ZNF738: variants seen among roughly 807,000 people sequenced by gnomAD.
ZNF738 encodes protein ZNF738.
In ZNF738, 10 loss-of-function variants were observed where a neutral mutation model predicts 9.2. The ratio of observed to expected loss-of-function variants is 1.09; its 90% confidence interval spans 0.67 to 1.85. ZNF738 has a LOEUF of 1.85. Ranked by LOEUF, ZNF738 falls within the 40% of genes most tolerant of loss-of-function variation. The pLI is 0.00. For synonymous variants in ZNF738, 113 were observed against 94.5 expected, an observed-to-expected ratio of 1.20 and a Z score of -1.14; for missense variants, 346 against 283.6, an observed-to-expected ratio of 1.22 and a Z score of -1.58.
chr19:21,374,437 T>A (rs570468310), intron 2 of ZNF738, among the ~76,000 whole-genome samples: 1 of 152,370 alleles, frequency 6.6e-6, no homozygotes, highest in Non-Finnish European at 1.5e-5. Context: ...TGCTGTGTTC[T>A]TCGGTGTGCG....
At chr19:21,376,258 G>T in intron 4 of ZNF738, 1 of 245,008 alleles carries the variant, frequency 4.1e-6, no homozygotes, top group Non-Finnish European at 8.1e-6. Flanking sequence ...ATAAAAGACT[G>T]CACAATCTGA....
intron 2 of ZNF738, among the ~76,000 whole-genome samples, chr19:21,367,347 C>T (rs2145223638): frequency 6.6e-6 from 1 of 152,162 alleles, no homozygotes; most frequent in South Asian, 2.1e-4. Context: ...AGAAAGGGCT[C>T]AGGAGTCCCC....
At chr19:21,381,158 CA>C in intron 4 of ZNF738, 1 of 977,658 alleles carries the variant, frequency 1.0e-6, no homozygotes, top group East Asian at 2.4e-5. Context: ...ATGATTTCTG[CA>C]GTGAGCACCA....
At position 21,386,639 on chromosome 19, in the gene ZNF738, T is replaced by G; in HGVS notation, c.*2965T>G. On this transcript the variant is annotated 3_prime_UTR_variant, in exon 5 of 5. Transcript: ENST00000683779. Reference sequence around the variant, plus strand: ...ACCAGTCCTCAATTCTTACCAAACATAAGAAAATTCATATTGGAGATTAAC... The same window carrying G: ...ACCAGTCCTCAATTCTTACCAAACAGAAGAAAATTCATATTGGAGATTAAC... 1 of 230,078 alleles carries G rather than the reference T, an allele frequency of 4.3e-6. No homozygotes were observed. Among genetic ancestry groups the G allele is most frequent in the South Asian group, 6.9e-5 (1 of 14,504 alleles). The allele number at this position is 230,078 out of a possible 1,614,324, so 14.3% of individuals were successfully genotyped here. A position where few individuals can be genotyped will look rare whatever the true frequency, so the allele number is the denominator to read the frequency against.
intron 2 of ZNF738, among the ~76,000 whole-genome samples, chr19:21,363,153 G>T (rs977508253): frequency 1.3e-5 from 2 of 152,152 alleles, no homozygotes; most frequent in Non-Finnish European, 2.9e-5. Context: ...TTTTCTGATA[G>T]AAATACTTTT....
intron 2 of ZNF738, among the ~76,000 whole-genome samples, chr19:21,369,674 A>G (rs1973831022): frequency 1.3e-5 from 2 of 152,122 alleles, no homozygotes; most frequent in Non-Finnish European, 2.9e-5. Flanking sequence ...CAAAGATCAG[A>G]TGGTTGGAGG....
Position 21,386,365 on chromosome 19 carries a change from CA to C in ZNF738, c.*2693del. 3.2e-6 allele frequency: 1 copy of C among 310,648 alleles called. No homozygotes were observed. Among genetic ancestry groups the C allele is most frequent in the Non-Finnish European group, 6.6e-6 (1 of 151,386 alleles). The allele number at this position is 310,648 out of a possible 1,614,324, so 19.2% of individuals were successfully genotyped here. ...CCACCCATGTGGCAAAGCTTTTAAT[CA>C]ATCCTCAAACCTTACTAAACATAAG... On this transcript the variant is annotated 3_prime_UTR_variant, in exon 5 of 5. Coordinates refer to ENST00000683779, the MANE Select transcript of ZNF738 (RefSeq NM_001355237.2).
At chr19:21,381,392 G>C in intron 4 of ZNF738, 1 of 1,526,182 alleles carries the variant, frequency 6.6e-7, no homozygotes, top group Non-Finnish European at 9.1e-7. Flanking sequence ...TTCTTCATCA[G>C]AATCTCCTTT....
chr19:21,382,692 T>G (rs903893529), intron 4 of ZNF738, among the ~76,000 whole-genome samples, 174 bp from the exon 5 acceptor site: 4 of 152,222 alleles, frequency 2.6e-5, no homozygotes, highest in Admixed American at 6.5e-5. Flanking sequence ...TTCTCAGATG[T>G]ATTTTCGTTA....
rs79353120 is a variant in ZNF738, at chr19:21,365,356, G to A, written c.96+3498G>A. On this transcript the variant is annotated intron_variant, in intron 2 of 4. Coordinates refer to ENST00000683779, the MANE Select transcript of ZNF738 (RefSeq NM_001355237.2). ...AACCATCTGGGAATTCAGCCCAGTA[G>A]GTTTCAGCCCTATTTTACCCACCCC... is the stretch of plus-strand genomic sequence containing the variant. Among the ~76,000 whole-genome samples the A allele has an allele frequency of 7.9e-5, 12 of 152,094 alleles. No homozygotes were observed. In the East Asian group the frequency reaches 2.1e-3, roughly 27 times the overall value.
chr19:21,386,709 GTTATTA>G lies in ZNF738; in HGVS notation c.*3044_*3049del, dbSNP rs897570101. The G allele has an allele frequency of 2.4e-5, 4 of 169,510 alleles. No homozygotes were observed. In the South Asian group the frequency reaches 4.3e-4, roughly 18 times the overall value. The allele number at this position is 169,510 out of a possible 1,614,324, so 10.5% of individuals were successfully genotyped here. Reference sequence around the variant, plus strand: ...TGGCAAAAGCTTTAACTAGTTCTCAGTTATTATTATTATTTTTAGAGATGGAGTTTC... The same window carrying G: ...TGGCAAAAGCTTTAACTAGTTCTCAGTTATTATTTTTAGAGATGGAGTTTC... On this transcript the variant is annotated 3_prime_UTR_variant, in exon 5 of 5. Transcript: ENST00000683779.
intron 1 of ZNF738, among the ~76,000 whole-genome samples, chr19:21,359,877 C>CA (rs987216892): frequency 1.0e-4 from 15 of 148,634 alleles, no homozygotes; most frequent in South Asian, 2.1e-4. Context: ...ACTCTTGTCT[C>CA]AAAAAAAAAA....
chr19:21,382,963 T>C lies in ZNF738; in HGVS notation c.417T>C (p.His139=). ...VILREYGNYG[H]KDLQLRKGCK... ...TGAGAGAATATGGAAATTATGGACA[T>C]AAAGATTTACAGTTAAGAAAAGGCT... The change falls in exon 5 of 5, where the codon CAT becomes CAC. Residue 139 remains histidine, a synonymous_variant. Coordinates refer to ENST00000683779, the MANE Select transcript of ZNF738 (RefSeq NM_001355237.2). 1 of 647,576 alleles carries C rather than the reference T, an allele frequency of 1.5e-6. No individual in the cohort carries two copies. Among genetic ancestry groups the C allele is most frequent in the Non-Finnish European group, 2.9e-6 (1 of 347,614 alleles). 40.1% of individuals were successfully genotyped at this position (647,576 alleles called of 1,614,324 possible).
chr19:21,386,291 A>G lies in ZNF738; in HGVS notation c.*2617A>G. 2 of 284,638 alleles carry G rather than the reference A, an allele frequency of 7.0e-6. No homozygotes were observed. The highest frequency in any genetic ancestry group is 1.4e-5 in the Non-Finnish European group (2 of 139,204). The allele number at this position is 284,638 out of a possible 1,614,324, so 17.6% of individuals were successfully genotyped here. On this transcript the variant is annotated 3_prime_UTR_variant, in exon 5 of 5. Transcript: ENST00000683779. ...GAAAAATGTAGCAAACCTTTTAACT[A>G]ATCCTCAACCCTTACTACACATAAG...
In ZNF738 at chr19:21,383,301, G is replaced by T. The variant is rs1171665061; in HGVS notation, c.755G>T (p.Arg252Ile). The T allele has an allele frequency of 2.2e-5, 33 of 1,524,004 alleles. No individual in the cohort carries two copies. The highest frequency in any genetic ancestry group is 1.4e-5 in the African/African-American group (1 of 72,330). The allele number at this position is 1,524,004 out of a possible 1,614,324, so 94.4% of individuals were successfully genotyped here. The change falls in exon 5 of 5, where the codon AGA (arginine) becomes ATA (isoleucine). Residue 252 changes from arginine to isoleucine, a missense_variant. Arg to Ile is a moderately conservative substitution (Grantham distance 97, BLOSUM62 -3). Transcript: ENST00000683779. Reference protein sequence around the residue: ...KWFSTLTRHKRIHTGDKSYKH... With the variant: ...KWFSTLTRHKIIHTGDKSYKH... ...TTCTCAACCCTTACTAGACACAAGA[G>T]AATTCATACTGGAGACAAATCCTAC...
chr19:21,366,792 CA>C (rs1329606577), intron 2 of ZNF738, among the ~76,000 whole-genome samples: 4 of 152,270 alleles, frequency 2.6e-5, no homozygotes, highest in Non-Finnish European at 5.9e-5. Context: ...TGTAACCTCT[CA>C]TGGCACTGGT....
At chr19:21,371,611 A>G (rs1973857977) in intron 2 of ZNF738, among the ~76,000 whole-genome samples, 1 of 152,184 alleles carries the variant, frequency 6.6e-6, no homozygotes, top group Non-Finnish European at 1.5e-5. Flanking sequence ...CCATCCAGGA[A>G]ATTTTAGTCT....
intron 2 of ZNF738, among the ~76,000 whole-genome samples, chr19:21,365,074 T>C (rs1202537147): frequency 1.3e-5 from 2 of 152,078 alleles, no homozygotes; most frequent in African/African-American, 2.4e-5. Flanking sequence ...TTCTTGATTA[T>C]ATGCTAAACA....
At chr19:21,379,703 T>A (rs1465384294) in intron 4 of ZNF738, among the ~76,000 whole-genome samples, 1 of 150,672 alleles carries the variant, frequency 6.6e-6, no homozygotes, top group African/African-American at 2.4e-5. Context: ...TTTTTTAAAT[T>A]TTTTTTTTTA....
Sources: allele counts gnomAD v4.1 joint callset (sites outside exome capture counted in the v4.1 genomes callset), GRCh38; gene constraint gnomAD v4.1.1; transcripts MANE v1.5; gene names NCBI Gene and HGNC (gene_info 2026-07-23, HGNC 2026-07-21).